ADAMTS6: variants seen among roughly 807,000 people sequenced by gnomAD.
ADAMTS6 encodes ADAM metallopeptidase with thrombospondin type 1 motif 6.
In ADAMTS6, 23 loss-of-function variants were observed where a neutral mutation model predicts 144.3. The observed-to-expected ratio is 0.16, with a 90% CI of 0.11 to 0.23. ADAMTS6 has a LOEUF of 0.23. Among genes scored for constraint, ADAMTS6 ranks in the 10% least tolerant of loss-of-function variants. ADAMTS6 has a pLI of 1.00. For synonymous variants in ADAMTS6, 444 were observed against 457.5 expected (o/e 0.97, Z 0.38); for missense variants, 999 against 1,379.6 (o/e 0.72, Z 4.37).
At chr5:65,419,092 G>A (rs1243124053) in intron 7 of ADAMTS6, among the ~76,000 whole-genome samples, 7 of 152,094 alleles carry the variant, frequency 4.6e-5, no homozygotes, top group South Asian at 2.1e-4. Flanking sequence ...AAAGACACAC[G>A]TAATCTCCTG....
Position 65,172,929 on chromosome 5 carries a change from G to T in ADAMTS6, c.2990C>A (p.Ala997Asp). 1.2e-6 allele frequency: 2 copies of T among 1,614,234 alleles called. No individual in the cohort carries two copies. The highest frequency in any genetic ancestry group is 4.5e-5 in the East Asian group (2 of 44,880). ...TTTGCTTTCCTCTGGACATTGTGCAGCTGGGAATGTCTTAGAAAGGTCACT... is the reference window on the plus strand; with the variant it reads ...TTTGCTTTCCTCTGGACATTGTGCATCTGGGAATGTCTTAGAAAGGTCACT... ...KSSDLSKTFP[A>D]AQCPEESKPP... Residue 997 changes from alanine to aspartate, a missense_variant, in exon 23 of 25, where the codon GCT (alanine) becomes GAT (aspartate). By Grantham distance (126) the Ala-to-Asp change is moderately radical. Around this residue, in one of 3 missense-constraint regions of ADAMTS6, gnomAD observed 619 missense variants for 837.0 expected, o/e 0.74. Transcript: ENST00000381055.
At chr5:65,443,622 CAAAAAA>C (rs59240974) in intron 7 of ADAMTS6, among the ~76,000 whole-genome samples, 23,279 of 67,922 alleles carry the variant, frequency 0.34, 1,917 homozygotes, top group South Asian at 0.44. Flanking sequence ...GACCCTGTCT[CAAAAAA>C]AAAAAAAAAA....
At chr5:65,437,775 G>C (rs1262773821) in intron 7 of ADAMTS6, among the ~76,000 whole-genome samples, 2 of 152,070 alleles carry the variant, frequency 1.3e-5, no homozygotes, top group Non-Finnish European at 2.9e-5. Context: ...TAGTGTAAAT[G>C]TTATGAAAAT....
At chr5:65,326,370 C>A (rs1471735995) in intron 9 of ADAMTS6, among the ~76,000 whole-genome samples, 1 of 152,082 alleles carries the variant, frequency 6.6e-6, no homozygotes, top group Admixed American at 6.6e-5. Context: ...ATAGTATAAA[C>A]CTCAATTTTT....
chr5:65,151,771 G>T lies in ADAMTS6; in HGVS notation c.*65C>A. 1 of 1,380,300 alleles carries T rather than the reference G, an allele frequency of 7.2e-7. No homozygotes were observed. The highest frequency in any genetic ancestry group is 1.0e-6 in the Non-Finnish European group (1 of 974,424). The allele number at this position is 1,380,300 out of a possible 1,614,324, so 85.5% of individuals were successfully genotyped here. A position where few individuals can be genotyped will look rare whatever the true frequency, so the allele number is the denominator to read the frequency against. ...GGACATCAATCCTCTTCCTCTGGGT[G>T]GCTCTCTTTGATGGATGCATTTCCA... On this transcript the variant is annotated 3_prime_UTR_variant, in exon 25 of 25. Transcript: ENST00000381055.
At chr5:65,404,925 T>C (rs1302251342) in intron 7 of ADAMTS6, among the ~76,000 whole-genome samples, 1 of 152,226 alleles carries the variant, frequency 6.6e-6, no homozygotes, top group Non-Finnish European at 1.5e-5. Context: ...ACGTGTCTGT[T>C]GGCTGCATAA....
chr5:65,222,253 T>C (rs964817463), intron 18 of ADAMTS6, among the ~76,000 whole-genome samples: 4 of 152,312 alleles, frequency 2.6e-5, no homozygotes, highest in African/African-American at 4.8e-5. Flanking sequence ...CAGTGTGGTG[T>C]TGGTTTAAGG....
At chr5:65,286,419 A>G (rs1741669602) in intron 11 of ADAMTS6, among the ~76,000 whole-genome samples, 3 of 152,312 alleles carry the variant, frequency 2.0e-5, no homozygotes, top group African/African-American at 4.8e-5. Context: ...CTGATAAAAC[A>G]TTCTTCAGTT....
At chr5:65,477,235 T>A (rs561199344) in intron 1 of ADAMTS6, among the ~76,000 whole-genome samples, 1 of 152,282 alleles carries the variant, frequency 6.6e-6, no homozygotes, top group Admixed American at 6.5e-5. Context: ...CACTGGAGTG[T>A]TTTGAGTAAT....
chr5:65,174,199 C>T (rs75863287), intron 22 of ADAMTS6, among the ~76,000 whole-genome samples: 18,272 of 152,092 alleles, frequency 0.12, 1,575 homozygotes, highest in African/African-American at 0.24. Context: ...CTGTTGGAGA[C>T]GTGAGTCTTG....
chr5:65,184,319 C>T (rs911595002), intron 22 of ADAMTS6, among the ~76,000 whole-genome samples: 5 of 152,178 alleles, frequency 3.3e-5, no homozygotes, highest in Non-Finnish European at 7.3e-5. Context: ...CTGAGTTCTC[C>T]CTGGAGAGAT....
In ADAMTS6 at chr5:65,319,735, GGGAGGGAAGGAAGGAA is replaced by G. The variant is rs1180294683; in HGVS notation, c.1223+9627_1223+9642del. ...GGGAGGGAAGGGAGGGAGGGAGGGA[GGGAGGGAAGGAAGGAA>G]GGAAGGAAGGAAGGAAGGAAGGAAG... On this transcript the variant is annotated intron_variant, in intron 9 of 24. Coordinates refer to ENST00000381055, the MANE Select transcript of ADAMTS6 (RefSeq NM_197941.4). Among the ~76,000 whole-genome samples the G allele has an allele frequency of 1.4e-4, 10 of 73,434 alleles. No homozygotes were observed. In the South Asian group the frequency reaches 2.9e-3, roughly 21 times the overall value. The allele number at this position is 73,434 out of a possible 152,430, so 48.2% of individuals were successfully genotyped here. A position where few individuals can be genotyped will look rare whatever the true frequency, so the allele number is the denominator to read the frequency against.
chr5:65,352,928 C>T (rs945383959), intron 7 of ADAMTS6, among the ~76,000 whole-genome samples: 1 of 151,980 alleles, frequency 6.6e-6, no homozygotes, highest in East Asian at 1.9e-4. Flanking sequence ...ACCTAAACGA[C>T]ATATGAGACC....
intron 7 of ADAMTS6, among the ~76,000 whole-genome samples, chr5:65,347,652 G>C (rs940815435): frequency 6.6e-6 from 1 of 151,962 alleles, no homozygotes; most frequent in Non-Finnish European, 1.5e-5. Flanking sequence ...ACAGACAAAC[G>C]GGATTATATC....
chr5:65,247,689 T>C (rs16893555), intron 14 of ADAMTS6, among the ~76,000 whole-genome samples: 12,090 of 152,148 alleles, frequency 0.079, 530 homozygotes, highest in East Asian at 0.11. Flanking sequence ...TCTCCTCCTC[T>C]AAAGGAAGAT....
intron 24 of ADAMTS6, among the ~76,000 whole-genome samples, chr5:65,154,096 T>C (rs540430657): frequency 3.9e-5 from 6 of 152,228 alleles, no homozygotes; most frequent in African/African-American, 9.6e-5. Flanking sequence ...TAGTCCCAGC[T>C]ACTCAGGAGG....
chr5:65,384,854 T>C (rs1269863672), intron 7 of ADAMTS6, among the ~76,000 whole-genome samples: 1 of 152,206 alleles, frequency 6.6e-6, no homozygotes, highest in Non-Finnish European at 1.5e-5. Flanking sequence ...TTAGACTGGG[T>C]AATTTATAAG....
chr5:65,280,395 G>A (rs1449923702), intron 11 of ADAMTS6, among the ~76,000 whole-genome samples: 1 of 152,118 alleles, frequency 6.6e-6, no homozygotes, highest in Non-Finnish European at 1.5e-5. Flanking sequence ...TTCATCATCT[G>A]CCCTCATGGC....
At chr5:65,444,117 C>T (rs1019178016) in intron 7 of ADAMTS6, among the ~76,000 whole-genome samples, 2 of 152,170 alleles carry the variant, frequency 1.3e-5, no homozygotes, top group African/African-American at 4.8e-5. Context: ...CCAGTCCAGG[C>T]TCAGTGGCTC....
Sources: allele counts gnomAD v4.1 joint callset (sites outside exome capture counted in the v4.1 genomes callset), GRCh38; gene constraint gnomAD v4.1.1; regional missense constraint gnomAD v4.1.1; transcripts MANE v1.5; gene names NCBI Gene and HGNC (gene_info 2026-07-23, HGNC 2026-07-21).